Variants in FAM78B observed in about 807,000 individuals in gnomAD.
FAM78B encodes the protein family with sequence similarity 78 member B.
A neutral mutation model predicts 20.0 loss-of-function variants in FAM78B; 10 were observed. The observed-to-expected ratio is 0.50, with a 90% CI of 0.31 to 0.85. FAM78B has a LOEUF of 0.85. Ranked by LOEUF, FAM78B falls within the 40% of genes least tolerant of loss-of-function variation. FAM78B has a pLI of 0.05. For synonymous variants in FAM78B, 135 were observed against 132.8 expected (o/e 1.02, Z -0.12); for missense variants, 283 against 345.0 (o/e 0.82, Z 1.42).
chr1:166,122,404 G>A (rs1043367257), intron 1 of FAM78B, among the ~76,000 whole-genome samples: 1 of 152,190 alleles, frequency 6.6e-6, no homozygotes, highest in African/African-American at 2.4e-5. Flanking sequence ...GAAAGCTTAA[G>A]CCACCTCTAT....
chr1:166,098,909 C>T (rs1194950559), intron 1 of FAM78B, among the ~76,000 whole-genome samples: 3 of 152,162 alleles, frequency 2.0e-5, no homozygotes, highest in African/African-American at 7.2e-5. Flanking sequence ...CTGGGAAATT[C>T]ATCACGAAAA....
At chr1:166,122,601 G>T (rs1457995739) in intron 1 of FAM78B, among the ~76,000 whole-genome samples, 2 of 152,166 alleles carry the variant, frequency 1.3e-5, no homozygotes, top group African/African-American at 4.8e-5. Flanking sequence ...TGTGGAAAGG[G>T]CATTGTGTGA....
chr1:166,070,655 C>T lies in FAM78B; in HGVS notation c.372G>A (p.Leu124=). The T allele has an allele frequency of 6.2e-7, 1 of 1,613,840 alleles. No homozygotes were observed. Among genetic ancestry groups the T allele is most frequent in the Non-Finnish European group, 8.5e-7 (1 of 1,180,018 alleles). The part of the protein sequence containing the change: ...WYGNTTETVT[L]VGPTNKISRF... ...TGGAGATCTTGTTGGTGGGGCCAAC[C>T]AGGGTCACAGTTTCTGTGGTGTTCC... Residue 124 remains leucine (L), a synonymous_variant, in exon 2 of 2, where the codon CTG becomes CTA. Coordinates refer to ENST00000354422, the MANE Select transcript of FAM78B (RefSeq NM_001017961.5).
At chr1:166,150,991 G>A (rs1655650321) in intron 1 of FAM78B, among the ~76,000 whole-genome samples, 1 of 152,162 alleles carries the variant, frequency 6.6e-6, no homozygotes, top group Admixed American at 6.5e-5. Flanking sequence ...GAAGTTGGAT[G>A]GTATGACCCA....
At chr1:166,100,114 A>C (rs952044890) in intron 1 of FAM78B, among the ~76,000 whole-genome samples, 2 of 152,210 alleles carry the variant, frequency 1.3e-5, no homozygotes, top group East Asian at 3.8e-4. Context: ...GGAACCTTCA[A>C]AACCATCCAA....
At chr1:166,145,528 C>G (rs567972213) in intron 1 of FAM78B, among the ~76,000 whole-genome samples, 1 of 152,320 alleles carries the variant, frequency 6.6e-6, no homozygotes, top group African/African-American at 2.4e-5. Context: ...TTGCCTGCCT[C>G]TCAGTTGCAT....
At position 166,094,035 on chromosome 1, in the gene FAM78B, G is replaced by GTGTGTC. The variant is rs1553217268; in HGVS notation, c.264-23273_264-23272insGACACA. Among the ~76,000 whole-genome samples, 21 of 146,492 alleles carry GTGTGTC rather than the reference G, an allele frequency of 1.4e-4. 2 individuals carry two copies. Among genetic ancestry groups the GTGTGTC allele is most frequent in the African/African-American group, 2.3e-4 (9 of 39,326 alleles). ...TGTGTGTGTGTGTGTGTGTGTGTGTGTGTGTGTGTGTGGTGTTCTTGAATC... is the reference window on the plus strand; with the variant it reads ...TGTGTGTGTGTGTGTGTGTGTGTGTGTGTGTCTGTGTGTGTGTGGTGTTCTTGAATC... On this transcript the variant is annotated intron_variant, in intron 1 of 1. Coordinates refer to ENST00000354422, the MANE Select transcript of FAM78B (RefSeq NM_001017961.5).
intron 1 of FAM78B, among the ~76,000 whole-genome samples, chr1:166,162,822 T>C (rs952116441): frequency 6.6e-6 from 1 of 152,154 alleles, no homozygotes; most frequent in Non-Finnish European, 1.5e-5. Flanking sequence ...GGCCCACTTA[T>C]GCCCCCTTAA....
intron 1 of FAM78B, among the ~76,000 whole-genome samples, chr1:166,159,869 C>T (rs1656077418): frequency 6.6e-6 from 1 of 152,216 alleles, no homozygotes; most frequent in African/African-American, 2.4e-5. Context: ...ACCAGTTAAT[C>T]CTCTGCTGCT....
chr1:166,086,382 GTCATTTCTC>G (rs1199236062), intron 1 of FAM78B, among the ~76,000 whole-genome samples: 1 of 152,170 alleles, frequency 6.6e-6, no homozygotes, highest in South Asian at 2.1e-4. Flanking sequence ...TGCTGGAGCA[GTCATTTCTC>G]TCATTTCTCT....
intron 1 of FAM78B, among the ~76,000 whole-genome samples, chr1:166,158,020 T>C (rs1655984539): frequency 6.6e-6 from 1 of 152,186 alleles, no homozygotes. Context: ...TTCACACACA[T>C]GATCTCAGAG....
rs1217449594 is a variant in FAM78B at position 166,166,540 on chromosome 1, C to A, written c.-292G>T. On this transcript the variant is annotated 5_prime_UTR_variant, in exon 1 of 2. Transcript: ENST00000354422. The stretch of plus-strand genomic sequence containing the variant: ...GGGTGCCCTCGCCGGCTCCAGCGCC[C>A]GGGCGGAGGGCAGGGAGGGGAGCGG... The A allele has an allele frequency of 6.6e-6, 1 of 151,822 alleles. No homozygotes were observed. Among genetic ancestry groups the A allele is most frequent in the Middle Eastern group, 3.1e-3 (1 of 324 alleles). 9.4% of individuals were successfully genotyped at this position (151,822 alleles called of 1,614,324 possible).
intron 1 of FAM78B, among the ~76,000 whole-genome samples, chr1:166,137,056 A>C (rs964029719): frequency 3.3e-5 from 5 of 152,184 alleles, no homozygotes; most frequent in Non-Finnish European, 5.9e-5. Context: ...TTTCCTACAG[A>C]TCTATAGAAA....
intron 1 of FAM78B, among the ~76,000 whole-genome samples, chr1:166,080,700 G>T (rs1399864636): frequency 6.6e-6 from 1 of 152,240 alleles, no homozygotes. Context: ...GAGCATTGAG[G>T]CTTTTCATCT....
At chr1:166,109,550 C>T (rs1653916815) in intron 1 of FAM78B, among the ~76,000 whole-genome samples, 1 of 151,486 alleles carries the variant, frequency 6.6e-6, no homozygotes, top group Non-Finnish European at 1.5e-5. Context: ...AACACTTCTA[C>T]ACTGCTGTTG....
chr1:166,149,092 C>T (rs902108270), intron 1 of FAM78B, among the ~76,000 whole-genome samples: 2 of 152,034 alleles, frequency 1.3e-5, no homozygotes, highest in Non-Finnish European at 2.9e-5. Context: ...GTGAATAATG[C>T]CGCAATAAAC....
At chr1:166,062,167 G>A (rs893496570) in intron 2 of FAM78B, among the ~76,000 whole-genome samples, 1 of 152,156 alleles carries the variant, frequency 6.6e-6, no homozygotes, top group Non-Finnish European at 1.5e-5. Context: ...ATATGGCACT[G>A]AGATTGGCCT....
intron 1 of FAM78B, among the ~76,000 whole-genome samples, chr1:166,161,090 G>T (rs919645540): frequency 2.0e-5 from 3 of 152,136 alleles, no homozygotes; most frequent in African/African-American, 7.2e-5. Context: ...TGGTTCTTTT[G>T]AAAGACTGGA....
chr1:166,094,912 A>C (rs1344017402), intron 1 of FAM78B, among the ~76,000 whole-genome samples: 3 of 152,184 alleles, frequency 2.0e-5, no homozygotes, highest in Non-Finnish European at 4.4e-5. Flanking sequence ...TCACCTTCAG[A>C]ATGACCCTTC....
Sources: allele counts gnomAD v4.1 joint callset (sites outside exome capture counted in the v4.1 genomes callset), GRCh38; gene constraint gnomAD v4.1.1; transcripts MANE v1.5; gene names NCBI Gene and HGNC (gene_info 2026-07-23, HGNC 2026-07-21).